Variants in MCTP1 observed in about 807,000 individuals in gnomAD.
MCTP1 encodes multiple C2 and transmembrane domain-containing protein 1.
Under a neutral mutation model 120.6 loss-of-function variants are expected in MCTP1, and 69 were observed. The observed-to-expected ratio is 0.57, with a 90% CI of 0.47 to 0.70. MCTP1 has a LOEUF of 0.70. Among genes scored for constraint, MCTP1 ranks in the 30% least tolerant of loss-of-function variants. The pLI is 0.00. For synonymous variants in MCTP1, 529 were observed against 493.1 expected (o/e 1.07, Z -0.96); for missense variants, 1,203 against 1,248.8 (o/e 0.96, Z 0.55).
rs756067953 is a variant in MCTP1, at chr5:94,953,365, TTAAA to T, written c.839-8_839-5del. The T allele has an allele frequency of 5.0e-6, 8 of 1,591,760 alleles. No individual in the cohort carries two copies. The Admixed American group carries it at 1.0e-4, about 21-fold the overall frequency. ...TTCACATATGGATCACTCGTCCCTG[TTAAA>T]TAGATAGATTGATCCATGTTAATCA... On this transcript the variant is annotated splice_region_variant and splice_polypyrimidine_tract_variant and intron_variant, in intron 2 of 22. Coordinates refer to ENST00000515393, the MANE Select transcript of MCTP1 (RefSeq NM_024717.7).
At chr5:95,254,988 T>C (rs1757732838) in intron 1 of MCTP1, among the ~76,000 whole-genome samples, 3 of 152,208 alleles carry the variant, frequency 2.0e-5, no homozygotes, top group Admixed American at 1.3e-4. Context: ...ATGGAAAATA[T>C]GCATCATTAG....
rs753734259 is a variant in MCTP1 at position 94,909,401 on chromosome 5, T to C, written c.1522-20A>G. On this transcript the variant is annotated intron_variant, in intron 9 of 22. Transcript: ENST00000515393. ...CATAATCTGGAAAAAAAAATCATAA[T>C]TGTCATATTGCTAGCAGCTTTTTAA... 6.4e-7 allele frequency: 1 copy of C among 1,568,902 alleles called. No homozygotes were observed. Among genetic ancestry groups the C allele is most frequent in the Non-Finnish European group, 8.6e-7 (1 of 1,165,162 alleles).
chr5:94,753,296 T>C (rs980388818), intron 19 of MCTP1, among the ~76,000 whole-genome samples: 3 of 152,218 alleles, frequency 2.0e-5, no homozygotes, highest in Admixed American at 1.3e-4. Context: ...GAAACACCTT[T>C]TCTCCTAAGT....
At chr5:95,212,528 A>T (rs566482850) in intron 1 of MCTP1, among the ~76,000 whole-genome samples, 26 of 152,170 alleles carry the variant, frequency 1.7e-4, no homozygotes, top group East Asian at 1.4e-3. Flanking sequence ...CCAGCATCAT[A>T]CTGATACCAA....
chr5:94,870,290 A>G (rs761400957), intron 16 of MCTP1, 127 bp downstream of exon 16: 6 of 595,874 alleles, frequency 1.0e-5, no homozygotes, highest in Non-Finnish European at 1.8e-5. Flanking sequence ...GCCATTTTCA[A>G]TAAGTAGATG....
chr5:94,882,229 A>G (rs1407227310), intron 12 of MCTP1, among the ~76,000 whole-genome samples: 1 of 152,192 alleles, frequency 6.6e-6, no homozygotes, highest in African/African-American at 2.4e-5. Flanking sequence ...AACTTTGATA[A>G]GGAAGCAGTC....
At chr5:95,058,957 G>A (rs1406510691) in intron 1 of MCTP1, among the ~76,000 whole-genome samples, 1 of 152,136 alleles carries the variant, frequency 6.6e-6, no homozygotes, top group East Asian at 1.9e-4. Context: ...TTTTCACCCA[G>A]GCCCAGGGAC....
chr5:94,775,965 TTA>T (rs141167179), intron 19 of MCTP1, among the ~76,000 whole-genome samples: 4,899 of 145,558 alleles, frequency 0.034, 139 homozygotes, highest in African/African-American at 0.07. Flanking sequence ...TATATTTATA[TTA>T]TATATATATA....
rs551244899 is a variant in MCTP1, at chr5:95,159,544, T to C, written c.720+124312A>G. Among the ~76,000 whole-genome samples, 7 of 152,304 alleles carry C rather than the reference T, an allele frequency of 4.6e-5. No individual in the cohort carries two copies. The South Asian group carries it at 1.4e-3, about 32-fold the overall frequency. ...TATATACTATGTTAAGTTCTAAGGATAAAGAGATTACTAAGACACAACAAT... is the reference window on the plus strand; with the variant it reads ...TATATACTATGTTAAGTTCTAAGGACAAAGAGATTACTAAGACACAACAAT... On this transcript the variant is annotated intron_variant, in intron 1 of 22. Transcript: ENST00000515393.
intron 19 of MCTP1, among the ~76,000 whole-genome samples, chr5:94,715,432 A>G (rs1050201412): frequency 6.6e-6 from 1 of 151,384 alleles, no homozygotes; most frequent in African/African-American, 2.4e-5. Context: ...GATACTGCTT[A>G]GATCATATAC....
At chr5:94,811,475 G>A (rs774728538) in intron 17 of MCTP1, among the ~76,000 whole-genome samples, 1 of 152,020 alleles carries the variant, frequency 6.6e-6, no homozygotes, top group Non-Finnish European at 1.5e-5. Flanking sequence ...AAAGGCCCTG[G>A]GCCAAGACCA....
intron 1 of MCTP1, among the ~76,000 whole-genome samples, chr5:95,070,117 T>C (rs1304866465): frequency 1.3e-5 from 2 of 152,206 alleles, no homozygotes; most frequent in Non-Finnish European, 2.9e-5. Flanking sequence ...TTCCCGCCCT[T>C]GTCAAGGCAC....
chr5:94,810,065 T>C (rs1257524302), intron 17 of MCTP1, among the ~76,000 whole-genome samples: 2 of 152,182 alleles, frequency 1.3e-5, no homozygotes, highest in African/African-American at 4.8e-5. Context: ...TTACATGATG[T>C]TCTGATATTC....
intron 1 of MCTP1, among the ~76,000 whole-genome samples, chr5:95,055,958 G>A (rs1209772188): frequency 2.0e-5 from 3 of 152,172 alleles, no homozygotes; most frequent in Non-Finnish European, 4.4e-5. Flanking sequence ...AGGCTAGTAT[G>A]CTATACATGT....
In MCTP1 at chr5:95,284,368, T is replaced by C. The variant is rs761054788; in HGVS notation, c.208A>G (p.Arg70Gly). 12 of 1,595,752 alleles carry C rather than the reference T, an allele frequency of 7.5e-6. No individual in the cohort carries two copies. The East Asian group carries it at 2.2e-4, about 30-fold the overall frequency. ...CACCTGCTGCCTGCACCACTCCCCC[T>C]GGCCGGTGCATTCCCTGTGCCCACC... ...PPVGTGNAPARGSGAGSRWSG... is the reference protein window; with the variant it reads ...PPVGTGNAPAGGSGAGSRWSG... The change falls in exon 1 of 23, where the codon AGG (arginine) becomes GGG (glycine). Residue 70 changes from arginine to glycine, a missense_variant. Arg to Gly is a moderately radical substitution (Grantham distance 125). This residue lies in a region of MCTP1 where 463 missense variants were observed against 377.8 expected (regional missense o/e 1.23). Transcript: ENST00000515393. The surrounding 1 kb of genome is among the most constrained non-coding windows in gnomAD (Gnocchi z 5.2).
chr5:94,940,053 A>C, intron 5 of MCTP1, 31 bp downstream of exon 5: 4 of 1,299,360 alleles, frequency 3.1e-6, no homozygotes, highest in Non-Finnish European at 4.4e-6. Context: ...CAAACAAGAA[A>C]GAGCTCCTAC....
chr5:94,987,138 A>G (rs1387199477), intron 2 of MCTP1, among the ~76,000 whole-genome samples: 1 of 152,134 alleles, frequency 6.6e-6, no homozygotes. Flanking sequence ...CCTCGGCTAT[A>G]GAATTGCAGA....
intron 1 of MCTP1, among the ~76,000 whole-genome samples, chr5:95,034,472 G>A (rs777306771): frequency 6.6e-6 from 1 of 152,026 alleles, no homozygotes; most frequent in Non-Finnish European, 1.5e-5. Context: ...AAGCAATGGG[G>A]AAAGAACACT....
chr5:94,989,338 A>G (rs1454828411), intron 2 of MCTP1, among the ~76,000 whole-genome samples: 2 of 152,162 alleles, frequency 1.3e-5, no homozygotes, highest in African/African-American at 4.8e-5. Context: ...TGCTATTGTG[A>G]TATAACAGAT....
Sources: gnomAD v4.1 joint callset for allele counts (sites outside exome capture counted in the v4.1 genomes callset) on GRCh38, gnomAD v4.1.1 for gene constraint, gnomAD v4.1.1 regional missense constraint, Gnocchi (gnomAD v3.1) non-coding constraint, MANE v1.5 for transcripts, NCBI Gene and HGNC (gene_info 2026-07-23, HGNC 2026-07-21) for gene names.